The following CLMN variants were observed in gnomAD, a reference collection of about 807,000 sequenced individuals.
The protein encoded by CLMN is calmin.
CLMN carries 57 observed loss-of-function variants against 92.7 expected under a neutral mutation model. The observed-to-expected ratio is 0.61, with a 90% CI of 0.50 to 0.77. The LOEUF is 0.77. Among genes scored for constraint, CLMN ranks in the 30% least tolerant of loss-of-function variants. The pLI, the probability that CLMN is intolerant of heterozygous loss-of-function variation, is 0.00. For missense variants in CLMN, 1,158 were observed against 1,237.5 expected, an observed-to-expected ratio of 0.94 and a Z score of 0.96; for synonymous variants, 466 against 470.6, an observed-to-expected ratio of 0.99 and a Z score of 0.13.
intron 8 of CLMN, among the ~76,000 whole-genome samples, chr14:95,206,928 A>G (rs1897060434): frequency 6.6e-6 from 1 of 151,964 alleles, no homozygotes; most frequent in Admixed American, 6.6e-5. Context: ...GGCCAGGAAA[A>G]TTGAATTGCA....
At position 95,294,526 on chromosome 14, in the gene CLMN, C is replaced by G. The variant is rs1399462933; in HGVS notation, c.82+25185G>C. On this transcript the variant is annotated intron_variant, in intron 1 of 12. Coordinates refer to ENST00000298912, the MANE Select transcript of CLMN (RefSeq NM_024734.4). This position sits in a 1 kb window ranked among gnomAD's most constrained non-coding sequence, Gnocchi z 4.2. ...AGACAGACCTGCATCCACATTCCGG[C>G]TCCCCCTCCCTCACCTGTCCCTTCC... Among the ~76,000 whole-genome samples, 1 of 152,228 alleles carries G rather than the reference C, an allele frequency of 6.6e-6. No homozygotes were observed. The highest frequency in any genetic ancestry group is 6.5e-5 in the Admixed American group (1 of 15,288).
At chr14:95,193,506 C>T (rs1225824843) in intron 12 of CLMN, 2 of 823,584 alleles carry the variant, frequency 2.4e-6, no homozygotes, top group Non-Finnish European at 1.9e-6. Context: ...TCTTCTCCTG[C>T]CTGGCCGTCC....
intron 1 of CLMN, among the ~76,000 whole-genome samples, chr14:95,296,783 G>T (rs1414329233): frequency 6.6e-6 from 1 of 152,190 alleles, no homozygotes; most frequent in East Asian, 1.9e-4. Context: ...CAGATAATCT[G>T]ATGCACAGCG....
Position 95,202,851 on chromosome 14 carries a change from A to G in CLMN, c.2498T>C (p.Met833Thr), listed in dbSNP as rs767123978. ...ACGGTTGAGTACCTGATGGCTGTCC[A>G]TGGGGTCATTCTCTTTGGTCTCCCT... ...QQRETKENDP[M>T]DSHQSQESPN... Residue 833 changes from methionine (M) to threonine (T), a missense_variant, in exon 9 of 13, where the codon ATG (methionine) becomes ACG (threonine). By Grantham distance (81) the Met-to-Thr change is moderately conservative. Transcript: ENST00000298912. 24 of 1,534,332 alleles carry G rather than the reference A, an allele frequency of 1.6e-5. No individual in the cohort carries two copies. In the South Asian group the frequency reaches 2.8e-4, roughly 18 times the overall value.
chr14:95,269,258 G>A (rs565940965), intron 1 of CLMN, among the ~76,000 whole-genome samples: 34 of 151,712 alleles, frequency 2.2e-4, no homozygotes, highest in African/African-American at 8.2e-4. Context: ...TATTCTTAAT[G>A]TTTTATGAGC....
intron 1 of CLMN, among the ~76,000 whole-genome samples, chr14:95,303,843 G>A (rs1450785526): frequency 2.0e-5 from 3 of 152,198 alleles, no homozygotes; most frequent in Non-Finnish European, 4.4e-5. Flanking sequence ...AGATGAGGAC[G>A]GACCCAACTG....
chr14:95,236,850 G>A (rs985734619), intron 1 of CLMN, among the ~76,000 whole-genome samples: 4 of 152,028 alleles, frequency 2.6e-5, no homozygotes, highest in Admixed American at 1.3e-4. Context: ...GTTTATTAGC[G>A]CTGTCCTTGC....
Position 95,191,021 on chromosome 14 carries a change from C to T in CLMN, c.*543G>A, listed in dbSNP as rs1896546860. 6.6e-6 allele frequency: 1 copy of T among 152,302 alleles called. No individual in the cohort carries two copies. The highest frequency in any genetic ancestry group is 1.5e-5 in the Non-Finnish European group (1 of 68,106). The allele number at this position is 152,302 out of a possible 1,614,324, so 9.4% of individuals were successfully genotyped here. A position where few individuals can be genotyped will look rare whatever the true frequency, so the allele number is the denominator to read the frequency against. The stretch of plus-strand genomic sequence containing the variant: ...ATGTGCTTACACAGAGCTGGCTGCT[C>T]GGATTTCCCCTAGTGAATGCAACCA... On this transcript the variant is annotated 3_prime_UTR_variant, in exon 13 of 13. Transcript: ENST00000298912. The surrounding 1 kb of genome is among the most constrained non-coding windows in gnomAD (Gnocchi z 5.3).
At chr14:95,204,595 C>A in intron 8 of CLMN, 132 bp from the exon 9 acceptor site, 1 of 871,408 alleles carries the variant, frequency 1.1e-6, no homozygotes, top group Non-Finnish European at 1.7e-6. Context: ...CACAAACAAA[C>A]AAAAATGGAA....
chr14:95,216,153 C>T (rs568662347), intron 4 of CLMN, among the ~76,000 whole-genome samples: 2 of 152,090 alleles, frequency 1.3e-5, no homozygotes, highest in African/African-American at 2.4e-5. Context: ...TGGTGGAGGG[C>T]GAAGGGGAAG....
chr14:95,253,305 A>C (rs1898861666), intron 1 of CLMN, among the ~76,000 whole-genome samples: 1 of 152,176 alleles, frequency 6.6e-6, no homozygotes, highest in South Asian at 2.1e-4. Flanking sequence ...TTACCCCTCC[A>C]GGTTGTAACT....
chr14:95,219,839 T>C (rs749812435), intron 4 of CLMN, among the ~76,000 whole-genome samples: 15 of 152,188 alleles, frequency 9.9e-5, no homozygotes, highest in Admixed American at 1.3e-4. Context: ...GCACTCAAAG[T>C]ATAAAATTCG....
chr14:95,224,578 C>T (rs1044525129), intron 2 of CLMN, among the ~76,000 whole-genome samples: 4 of 152,174 alleles, frequency 2.6e-5, no homozygotes, highest in African/African-American at 7.2e-5. Flanking sequence ...CCACTGCGCC[C>T]GGCCACCCTT....
At chr14:95,300,077 T>C (rs974897383) in intron 1 of CLMN, among the ~76,000 whole-genome samples, 22 of 152,286 alleles carry the variant, frequency 1.4e-4, no homozygotes, top group African/African-American at 1.2e-4. Context: ...GAAGCTCTGA[T>C]TGGAAAGCAG....
rs528616266 is a variant in CLMN at position 95,242,065 on chromosome 14, C to T, written c.83-11932G>A. The stretch of plus-strand genomic sequence containing the variant: ...GGGCAGAAACCCTGTAGGTTACAAA[C>T]GCCAGTTCTGCAATCTTAAAAAACC... On this transcript the variant is annotated intron_variant, in intron 1 of 12. Transcript: ENST00000298912. 8.6e-4 allele frequency among the ~76,000 whole-genome samples: 130 copies of T among 151,918 alleles called. 1 individual carries two copies. The South Asian group carries it at 0.014, about 17-fold the overall frequency.
At position 95,202,955 on chromosome 14, in the gene CLMN, C is replaced by T; in HGVS notation, c.2394G>A (p.Leu798=). 1 of 1,614,014 alleles carries T rather than the reference C, an allele frequency of 6.2e-7. No individual in the cohort carries two copies. Among genetic ancestry groups the T allele is most frequent in the Non-Finnish European group, 8.5e-7 (1 of 1,179,962 alleles). ...TACCCACACCACCCCTGCTGAGATA[C>T]AGCACCTGGTCGCTGGCACTGGGGA... ...ESLPSASDQV[L]YLSRGGVGTT... Residue 798 remains leucine, a synonymous_variant, in exon 9 of 13, where the codon CTG becomes CTA. Transcript: ENST00000298912.
intron 4 of CLMN, among the ~76,000 whole-genome samples, 182 bp downstream of exon 4, chr14:95,221,509 G>T (rs1045926527): frequency 4.6e-5 from 7 of 152,188 alleles, no homozygotes; most frequent in African/African-American, 1.7e-4. Flanking sequence ...CGGAGTCAGG[G>T]ACTATGTTCC....
rs1896633258 is a variant in CLMN at position 95,194,134 on chromosome 14, A to G, written c.2770-215T>C. On this transcript the variant is annotated intron_variant, in intron 11 of 12. Coordinates refer to ENST00000298912, the MANE Select transcript of CLMN (RefSeq NM_024734.4). This position sits in a 1 kb window ranked among gnomAD's most constrained non-coding sequence, Gnocchi z 4.0. ...CTCCCTTGTGAGTGCGAGAGACCCC[A>G]CCACCCGGAACCCGGATTGGGGTGT... 1.4e-6 allele frequency: 2 copies of G among 1,411,186 alleles called. No homozygotes were observed. Among genetic ancestry groups the G allele is most frequent in the South Asian group, 1.6e-5 (1 of 62,006 alleles). 87.4% of individuals were successfully genotyped at this position (1,411,186 alleles called of 1,614,324 possible). A position where few individuals can be genotyped will look rare whatever the true frequency, so the allele number is the denominator to read the frequency against.
chr14:95,316,466 G>T (rs1436940533), intron 1 of CLMN, among the ~76,000 whole-genome samples: 1 of 152,242 alleles, frequency 6.6e-6, no homozygotes, highest in Non-Finnish European at 1.5e-5. Context: ...ACACAGGAAG[G>T]TGAGTGGCAG....
Sources: gnomAD v4.1 joint callset for allele counts (sites outside exome capture counted in the v4.1 genomes callset) on GRCh38, gnomAD v4.1.1 for gene constraint, Gnocchi (gnomAD v3.1) non-coding constraint, MANE v1.5 for transcripts, NCBI Gene and HGNC (gene_info 2026-07-23, HGNC 2026-07-21) for gene names.